KMT2E: variants seen among roughly 807,000 people sequenced by gnomAD.
The protein encoded by KMT2E is histone reader KMT2E.
KMT2E carries 30 observed loss-of-function variants against 184.6 expected under a neutral mutation model. The observed-to-expected ratio is 0.16, with a 90% CI of 0.12 to 0.22. KMT2E has a LOEUF of 0.22. KMT2E is among the 10% of genes least tolerant of loss of function. The probability of loss-of-function intolerance (pLI) is 1.00; values close to 1 mark genes in which losing one functional copy is unlikely to be tolerated. For missense variants in KMT2E, 2,023 were observed against 2,237.4 expected, an observed-to-expected ratio of 0.90 and a Z score of 1.93; for synonymous variants, 815 against 776.5, an observed-to-expected ratio of 1.05 and a Z score of -0.82.
chr7:105,068,073 G>A (rs1797112101), intron 6 of KMT2E, among the ~76,000 whole-genome samples: 1 of 152,110 alleles, frequency 6.6e-6, no homozygotes. Flanking sequence ...CATCTCTCAA[G>A]TTCCTAAACC....
At chr7:105,047,634 T>A (rs1485859336) in intron 3 of KMT2E, among the ~76,000 whole-genome samples, 4 of 152,186 alleles carry the variant, frequency 2.6e-5, no homozygotes, top group Non-Finnish European at 4.4e-5. Flanking sequence ...AATGTTAACT[T>A]CTTCTCAAAG....
At chr7:105,110,244 C>A (rs1425433565) in intron 23 of KMT2E, 36 bp from the exon 24 acceptor site, 1 of 1,541,882 alleles carries the variant, frequency 6.5e-7, no homozygotes, top group Non-Finnish European at 9.0e-7. Context: ...GCAGTAGTTT[C>A]TTTCAATAGA....
At chr7:105,095,898 G>A (rs1256285281) in intron 15 of KMT2E, among the ~76,000 whole-genome samples, 1 of 152,208 alleles carries the variant, frequency 6.6e-6, no homozygotes, top group East Asian at 1.9e-4. Flanking sequence ...ATACTGGGGG[G>A]TATACCTGTA....
intron 1 of KMT2E, among the ~76,000 whole-genome samples, chr7:105,019,825 G>A (rs920971931): frequency 2.6e-5 from 4 of 152,102 alleles, no homozygotes; most frequent in African/African-American, 9.7e-5. Context: ...ATTAAAAATA[G>A]GCTGGGCACG....
At chr7:105,047,845 C>T (rs1304805403) in intron 3 of KMT2E, among the ~76,000 whole-genome samples, 2 of 152,128 alleles carry the variant, frequency 1.3e-5, no homozygotes, top group Admixed American at 6.6e-5. Context: ...ATATATAAAA[C>T]AGATAAAAGG....
intron 5 of KMT2E, among the ~76,000 whole-genome samples, 175 bp from the exon 6 acceptor site, chr7:105,066,551 TG>T (rs1304666550): frequency 6.6e-6 from 1 of 152,188 alleles, no homozygotes; most frequent in African/African-American, 2.4e-5. Context: ...CTCTTGCTTT[TG>T]CATCTCAAAA....
rs938765318 is a variant in KMT2E, at chr7:105,021,596, A to G, written c.-189+7061A>G. 4.6e-5 allele frequency among the ~76,000 whole-genome samples: 7 copies of G among 152,308 alleles called. No homozygotes were observed. The East Asian group carries it at 9.6e-4, about 21-fold the overall frequency. On this transcript the variant is annotated intron_variant, in intron 1 of 26. Transcript: ENST00000311117. ...CCTCACAGGAATTGGCAAGGTGTCA[A>G]AGAGCCACTATTCACCATCTTGATC...
At chr7:105,082,208 G>A (rs921448230) in intron 13 of KMT2E, among the ~76,000 whole-genome samples, 2 of 152,108 alleles carry the variant, frequency 1.3e-5, no homozygotes, top group African/African-American at 4.8e-5. Flanking sequence ...AATTAAAAGG[G>A]TTTGTTGGAG....
At chr7:105,076,897 TGTGTGTGTGTGTGTGTGTG>T in intron 9 of KMT2E, 47 bp from the exon 10 acceptor site, 1 of 797,842 alleles carries the variant, frequency 1.3e-6, no homozygotes, top group South Asian at 1.6e-5. Context: ...TGTGTGTGTG[TGTGTGTGTGTGTGTGTGTG>T]TGTAAGTCCG....
rs572441167 is a variant in KMT2E, at chr7:105,049,274, A to G, written c.71+8251A>G. ...GGCCTTGGCAACATGATGAAACCCC[A>G]TCTGTACAAAAAAAATACCATAGTT... On this transcript the variant is annotated intron_variant, in intron 3 of 26. Coordinates refer to ENST00000311117, the MANE Select transcript of KMT2E (RefSeq NM_182931.3). 2.6e-5 allele frequency among the ~76,000 whole-genome samples: 4 copies of G among 151,906 alleles called. No homozygotes were observed. In the South Asian group the frequency reaches 6.3e-4, roughly 24 times the overall value.
Position 105,112,025 on chromosome 7 carries a change from T to C in KMT2E, c.4269T>C (p.Asn1423=). 6.2e-7 allele frequency: 1 copy of C among 1,614,214 alleles called. No homozygotes were observed. Among genetic ancestry groups the C allele is most frequent in the South Asian group, 1.1e-5 (1 of 91,078 alleles). Reference sequence around the variant, plus strand: ...ATCCTCCTCAGACACACGTTCGTAATTCATCTGAGCAACTTTCACAAAAGC... The same window carrying C: ...ATCCTCCTCAGACACACGTTCGTAACTCATCTGAGCAACTTTCACAAAAGC... ...KNHPPQTHVR[N]SSEQLSQKLP... is the part of the protein sequence containing the mutation. Residue 1423 remains asparagine (N), a synonymous_variant, in exon 27 of 27, where the codon AAT becomes AAC. Coordinates refer to ENST00000311117, the MANE Select transcript of KMT2E (RefSeq NM_182931.3).
chr7:105,084,586 CA>C (rs1466653284), intron 13 of KMT2E, among the ~76,000 whole-genome samples: 3 of 151,606 alleles, frequency 2.0e-5, no homozygotes, highest in South Asian at 2.1e-4. Flanking sequence ...AAGATCGGAC[CA>C]CTGCACTCCA....
chr7:105,099,094 TGTATGACC>T (rs2129569348), intron 15 of KMT2E, among the ~76,000 whole-genome samples: 1 of 152,356 alleles, frequency 6.6e-6, no homozygotes, highest in South Asian at 2.1e-4. Flanking sequence ...AGCTGAATGA[TGTATGACC>T]TTTAAGAAAT....
At chr7:105,040,016 G>GT (rs1257431407) in intron 2 of KMT2E, among the ~76,000 whole-genome samples, 1 of 151,986 alleles carries the variant, frequency 6.6e-6, no homozygotes, top group Non-Finnish European at 1.5e-5. Context: ...AACTTCATTA[G>GT]TTTTTTCTAC....
chr7:105,035,126 G>A (rs1270020372), intron 1 of KMT2E, among the ~76,000 whole-genome samples: 2 of 150,554 alleles, frequency 1.3e-5, no homozygotes, highest in South Asian at 2.1e-4. Context: ...CTGGGTTCAT[G>A]CCATTCTCCT....
intron 1 of KMT2E, among the ~76,000 whole-genome samples, chr7:105,033,328 A>AT (rs1185641112): frequency 6.6e-6 from 1 of 152,190 alleles, no homozygotes; most frequent in Non-Finnish European, 1.5e-5. Flanking sequence ...TAAACTTTTA[A>AT]TTTTGTGATA....
intron 6 of KMT2E, among the ~76,000 whole-genome samples, chr7:105,067,081 A>AG (rs1482690230): frequency 1.1e-3 from 169 of 149,600 alleles, no homozygotes; most frequent in African/African-American, 3.2e-3. Flanking sequence ...AAAAAAAAAA[A>AG]AAAGAAAAAG....
intron 1 of KMT2E, among the ~76,000 whole-genome samples, chr7:105,032,600 C>G (rs1795471560): frequency 6.6e-6 from 1 of 152,196 alleles, no homozygotes; most frequent in Non-Finnish European, 1.5e-5. Flanking sequence ...CTCCTGGGCT[C>G]AAGTGACGTT....
chr7:105,085,398 A>G lies in KMT2E; in HGVS notation c.1358+3601A>G, dbSNP rs191565515. Among the ~76,000 whole-genome samples, 184 of 152,180 alleles carry G rather than the reference A, an allele frequency of 1.2e-3. 1 individual carries two copies. Among genetic ancestry groups the G allele is most frequent in the African/African-American group, 4.2e-3 (175 of 41,516 alleles). ...ACCCCGTCTCTACTAAAAATACAAAATTAGCCGGGCATGGTGGCACATGCC... is the reference window on the plus strand; with the variant it reads ...ACCCCGTCTCTACTAAAAATACAAAGTTAGCCGGGCATGGTGGCACATGCC... On this transcript the variant is annotated intron_variant, in intron 13 of 26. Coordinates refer to ENST00000311117, the MANE Select transcript of KMT2E (RefSeq NM_182931.3).
Sources: allele counts gnomAD v4.1 joint callset (sites outside exome capture counted in the v4.1 genomes callset), GRCh38; gene constraint gnomAD v4.1.1; transcripts MANE v1.5; gene names NCBI Gene and HGNC (gene_info 2026-07-23, HGNC 2026-07-21).